The following FAM135B variants were observed in gnomAD, a reference collection of about 807,000 sequenced individuals.
FAM135B encodes the protein family with sequence similarity 135 member B, also known as protein FAM135B.
FAM135B carries 43 observed loss-of-function variants against 127.7 expected under a neutral mutation model. That is an observed-to-expected ratio of 0.34 (90% CI 0.26 to 0.43). The LOEUF is 0.43. Among genes scored for constraint, FAM135B ranks in the 20% least tolerant of loss-of-function variants. FAM135B has a pLI of 1.00. For synonymous variants in FAM135B, 670 were observed against 665.1 expected (o/e 1.01, Z -0.11); for missense variants, 1,558 against 1,725.6 (o/e 0.90, Z 1.72).
chr8:138,292,458 C>A (rs1825182837), intron 3 of FAM135B, among the ~76,000 whole-genome samples: 1 of 151,944 alleles, frequency 6.6e-6, no homozygotes, highest in African/African-American at 2.4e-5. Context: ...ATAGCCAAAG[C>A]AATCTTGTGC....
chr8:138,425,919 C>T (rs775211258), intron 1 of FAM135B, among the ~76,000 whole-genome samples: 2 of 142,446 alleles, frequency 1.4e-5, no homozygotes, highest in African/African-American at 2.5e-5. Flanking sequence ...GAGGCCAAGG[C>T]GGGCAGATCA....
chr8:138,133,970 G>A (rs1816417545), intron 19 of FAM135B, among the ~76,000 whole-genome samples: 1 of 152,176 alleles, frequency 6.6e-6, no homozygotes, highest in East Asian at 1.9e-4. Context: ...TTGTAGCCAT[G>A]TCAATTCAGC....
intron 11 of FAM135B, among the ~76,000 whole-genome samples, chr8:138,171,766 G>A (rs1160503584): frequency 1.3e-5 from 2 of 152,168 alleles, no homozygotes; most frequent in Admixed American, 6.5e-5. Context: ...CCTCATCTGT[G>A]TTTTAGAATG....
At chr8:138,350,533 A>G (rs1009856392) in intron 2 of FAM135B, among the ~76,000 whole-genome samples, 10 of 150,652 alleles carry the variant, frequency 6.6e-5, no homozygotes, top group Non-Finnish European at 1.3e-4. Context: ...CACATCTGTG[A>G]CACACGTGGA....
At chr8:138,179,189 C>T (rs533939214) in intron 9 of FAM135B, among the ~76,000 whole-genome samples, 1 of 152,300 alleles carries the variant, frequency 6.6e-6, no homozygotes, top group South Asian at 2.1e-4. Flanking sequence ...GCCAACAACA[C>T]TTGCTTTATG....
At position 138,370,185 on chromosome 8, in the gene FAM135B, G is replaced by C. The variant is rs559069516; in HGVS notation, c.-19-2183C>G. Among the ~76,000 whole-genome samples, 4 of 152,312 alleles carry C rather than the reference G, an allele frequency of 2.6e-5. No individual in the cohort carries two copies. In the South Asian group the frequency reaches 8.3e-4, roughly 32 times the overall value. On this transcript the variant is annotated intron_variant, in intron 1 of 19. Coordinates refer to ENST00000395297, the MANE Select transcript of FAM135B (RefSeq NM_015912.4). The stretch of plus-strand genomic sequence containing the variant: ...TTACTGGCAGAATGGCTGGGACCAT[G>C]TTTTGGGGTAGAGTTAATATTTAGA...
At chr8:138,418,831 T>C (rs1834318104) in intron 1 of FAM135B, among the ~76,000 whole-genome samples, 1 of 138,164 alleles carries the variant, frequency 7.2e-6, no homozygotes, top group Non-Finnish European at 1.5e-5. Context: ...TCAGCCTTAC[T>C]AGAAGTCCTT....
intron 3 of FAM135B, among the ~76,000 whole-genome samples, chr8:138,294,366 A>G (rs1417487511): frequency 1.3e-5 from 2 of 152,086 alleles, no homozygotes; most frequent in African/African-American, 4.8e-5. Flanking sequence ...ATCATCAAAA[A>G]CCACCGTACC....
chr8:138,376,143 G>C (rs185491237), intron 1 of FAM135B, among the ~76,000 whole-genome samples: 96 of 152,044 alleles, frequency 6.3e-4, no homozygotes, highest in Admixed American at 1.8e-3. Context: ...GGGTTTCACT[G>C]TGTTGGCCAG....
At chr8:138,217,777 G>A (rs1163823453) in intron 7 of FAM135B, among the ~76,000 whole-genome samples, 1 of 152,124 alleles carries the variant, frequency 6.6e-6, no homozygotes, top group African/African-American at 2.4e-5. Context: ...CCTCCTATGC[G>A]TGAGGCGCTG....
At chr8:138,143,331 G>T (rs1292485301) in intron 15 of FAM135B, among the ~76,000 whole-genome samples, 1 of 152,182 alleles carries the variant, frequency 6.6e-6, no homozygotes, top group African/African-American at 2.4e-5. Flanking sequence ...AGCTGGGAGG[G>T]TGGCTGACAC....
chr8:138,141,384 A>G lies in FAM135B; in HGVS notation c.3639-35T>C. ...AACAGAAGGGGTACCCATGAGTGTG[A>G]CGGTGAATGCTGCTGCCCAAGAGTG... On this transcript the variant is annotated intron_variant, in intron 16 of 19. Coordinates refer to ENST00000395297, the MANE Select transcript of FAM135B (RefSeq NM_015912.4). The surrounding 1 kb of genome is among the most constrained non-coding windows in gnomAD (Gnocchi z 4.7). 6.2e-7 allele frequency: 1 copy of G among 1,610,924 alleles called. No individual in the cohort carries two copies. The highest frequency in any genetic ancestry group is 8.5e-7 in the Non-Finnish European group (1 of 1,177,604).
At chr8:138,283,402 G>C (rs1033938896) in intron 3 of FAM135B, among the ~76,000 whole-genome samples, 1 of 145,386 alleles carries the variant, frequency 6.9e-6, no homozygotes, top group African/African-American at 2.6e-5. Context: ...TTCTGAAAAA[G>C]ACAAAACTAT....
chr8:138,279,242 C>T (rs943796677), intron 3 of FAM135B, among the ~76,000 whole-genome samples: 6 of 152,312 alleles, frequency 3.9e-5, no homozygotes, highest in Non-Finnish European at 5.9e-5. Context: ...TGCACCAGCT[C>T]TTGTAGAATA....
intron 7 of FAM135B, among the ~76,000 whole-genome samples, chr8:138,239,438 T>C (rs937761893): frequency 6.6e-6 from 1 of 152,258 alleles, no homozygotes; most frequent in Non-Finnish European, 1.5e-5. Flanking sequence ...TTGAGTTCTT[T>C]GTAGATTCTG....
chr8:138,227,589 TAC>T (rs1819557278), intron 7 of FAM135B, among the ~76,000 whole-genome samples: 2 of 152,174 alleles, frequency 1.3e-5, no homozygotes, highest in African/African-American at 4.8e-5. Flanking sequence ...GCTTAATGTA[TAC>T]AGTTTGGTGA....
intron 1 of FAM135B, chr8:138,440,268 C>T (rs1169519702): frequency 6.6e-6 from 1 of 152,040 alleles, no homozygotes; most frequent in Non-Finnish European, 1.5e-5. Flanking sequence ...TCTCAGGAAC[C>T]CTTAAGCCAC....
At chr8:138,201,124 A>C (rs1817084860) in intron 7 of FAM135B, among the ~76,000 whole-genome samples, 1 of 152,216 alleles carries the variant, frequency 6.6e-6, no homozygotes, top group Admixed American at 6.5e-5. Context: ...AAAGGGGATT[A>C]ACAAAGGCAC....
intron 1 of FAM135B, among the ~76,000 whole-genome samples, chr8:138,490,913 C>T (rs1190619835): frequency 3.3e-5 from 5 of 152,092 alleles, no homozygotes; most frequent in East Asian, 1.9e-4. Flanking sequence ...GGGGCCGAGG[C>T]GGGTGGATCA....
Sources: allele counts gnomAD v4.1 joint callset (sites outside exome capture counted in the v4.1 genomes callset), GRCh38; gene constraint gnomAD v4.1.1; non-coding constraint Gnocchi (gnomAD v3.1); transcripts MANE v1.5; gene names NCBI Gene and HGNC (gene_info 2026-07-23, HGNC 2026-07-21).